KAZN: variants seen among roughly 807,000 people sequenced by gnomAD.
The protein encoded by KAZN is kazrin.
A neutral mutation model predicts 87.4 loss-of-function variants in KAZN; 40 were observed. That is an observed-to-expected ratio of 0.46 (90% CI 0.36 to 0.60). The LOEUF is 0.60. Ranked by LOEUF, KAZN falls within the 20% of genes least tolerant of loss-of-function variation. The pLI, the probability that KAZN is intolerant of heterozygous loss-of-function variation, is 0.00. For missense variants in KAZN, 898 were observed against 1,073.9 expected, an observed-to-expected ratio of 0.84 and a Z score of 2.29; for synonymous variants, 466 against 458.3, an observed-to-expected ratio of 1.02 and a Z score of -0.22.
At chr1:14,661,803 C>T (rs1208905036) in intron 1 of KAZN, among the ~76,000 whole-genome samples, 5 of 152,130 alleles carry the variant, frequency 3.3e-5, no homozygotes, top group Non-Finnish European at 5.9e-5. Flanking sequence ...GTAATCCTAG[C>T]TGCTTGGGTG....
chr1:15,015,137 TTTATTTA>T (rs1452354431), intron 2 of KAZN, among the ~76,000 whole-genome samples: 7 of 99,852 alleles, frequency 7.0e-5, no homozygotes, highest in Non-Finnish European at 1.3e-4. Context: ...TTTCTTTTTA[TTTATTTA>T]TTTATTTATT....
chr1:13,943,674 G>A (rs760576273), intron 1 of KAZN, among the ~76,000 whole-genome samples: 2 of 151,858 alleles, frequency 1.3e-5, no homozygotes, highest in Non-Finnish European at 2.9e-5. Context: ...AATACAAAGA[G>A]TAGTTATTGG....
chr1:14,044,417 A>G (rs1327943256), intron 1 of KAZN, among the ~76,000 whole-genome samples: 2 of 152,184 alleles, frequency 1.3e-5, no homozygotes, highest in Non-Finnish European at 2.9e-5. Flanking sequence ...GTGACTTTGA[A>G]CAAGTTATTT....
At chr1:15,074,483 C>T (rs144066138) in intron 8 of KAZN, among the ~76,000 whole-genome samples, 4 of 152,290 alleles carry the variant, frequency 2.6e-5, no homozygotes, top group African/African-American at 9.6e-5. Flanking sequence ...TCCCTGCTCA[C>T]CCCTCCTCCC....
chr1:14,968,663 A>C (rs1234530655), intron 2 of KAZN, among the ~76,000 whole-genome samples: 1 of 152,208 alleles, frequency 6.6e-6, no homozygotes, highest in Non-Finnish European at 1.5e-5. Context: ...GCACTGACTG[A>C]GCATGGAGCA....
chr1:13,902,058 G>C (rs1255029725), intron 1 of KAZN, among the ~76,000 whole-genome samples: 2 of 152,200 alleles, frequency 1.3e-5, no homozygotes, highest in Admixed American at 1.3e-4. Context: ...TGATACACAC[G>C]GCCCCAGGCA....
At chr1:14,942,917 G>C (rs1300484015) in intron 1 of KAZN, among the ~76,000 whole-genome samples, 3 of 151,948 alleles carry the variant, frequency 2.0e-5, no homozygotes, top group African/African-American at 7.3e-5. Flanking sequence ...GGTCACCACT[G>C]GTGAAAATTC....
intron 2 of KAZN, among the ~76,000 whole-genome samples, chr1:14,211,527 C>G (rs1348412487): frequency 3.3e-5 from 5 of 152,030 alleles, no homozygotes; most frequent in African/African-American, 1.2e-4. Flanking sequence ...CCGGGCCTAT[C>G]TTTTTTTAAT....
At chr1:14,242,935 G>T (rs1169083532) in intron 2 of KAZN, among the ~76,000 whole-genome samples, 1 of 152,124 alleles carries the variant, frequency 6.6e-6, no homozygotes, top group Non-Finnish European at 1.5e-5. Context: ...GTAAGAACAG[G>T]TCATACAAGG....
In KAZN at chr1:14,236,952, G is replaced by A. The variant is rs2100562362; in HGVS notation, c.249+56360G>A. Among the ~76,000 whole-genome samples the A allele has an allele frequency of 2.0e-5, 3 of 152,152 alleles. No homozygotes were observed. The South Asian group carries it at 6.2e-4, about 32-fold the overall frequency. On this transcript the variant is annotated intron_variant, in intron 2 of 16. Transcript: ENST00000636203. ...AAATAAAGTATTAATAAAGAGAAGT[G>A]TTATTGAAATAACATTAAAGAAACA...
At chr1:14,144,581 A>G (rs985337108) in intron 1 of KAZN, among the ~76,000 whole-genome samples, 6 of 151,986 alleles carry the variant, frequency 3.9e-5, no homozygotes, top group Non-Finnish European at 5.9e-5. Flanking sequence ...GAGCTACCAC[A>G]CCCGGCCTTG....
At chr1:14,042,290 AC>A (rs972031733) in intron 1 of KAZN, among the ~76,000 whole-genome samples, 26 of 151,874 alleles carry the variant, frequency 1.7e-4, no homozygotes, top group African/African-American at 6.3e-4. Flanking sequence ...TGGAAAATAT[AC>A]CCCCATCTAC....
intron 2 of KAZN, among the ~76,000 whole-genome samples, chr1:15,017,677 A>C (rs1284423312): frequency 2.0e-5 from 3 of 152,068 alleles, no homozygotes; most frequent in Non-Finnish European, 4.4e-5. Context: ...GGTGGTGGGC[A>C]CCTGTAATCC....
chr1:14,415,014 A>AT (rs1664631605), intron 2 of KAZN, among the ~76,000 whole-genome samples: 1 of 152,150 alleles, frequency 6.6e-6, no homozygotes, highest in South Asian at 2.1e-4. Context: ...CGATACAGTG[A>AT]GACTGCATCT....
chr1:14,446,635 G>A (rs1310714161), intron 2 of KAZN, among the ~76,000 whole-genome samples: 4 of 152,134 alleles, frequency 2.6e-5, no homozygotes, highest in Admixed American at 2.0e-4. Context: ...CCCATCCAAC[G>A]TATTCAAAAT....
chr1:14,836,604 C>G (rs1409797987), intron 1 of KAZN, among the ~76,000 whole-genome samples: 1 of 152,128 alleles, frequency 6.6e-6, no homozygotes, highest in Non-Finnish European at 1.5e-5. Context: ...CTCTTCCTCT[C>G]TTGAGCATCC....
intron 1 of KAZN, among the ~76,000 whole-genome samples, chr1:14,631,870 A>C (rs1275722478): frequency 6.6e-6 from 1 of 152,378 alleles, no homozygotes; most frequent in East Asian, 1.9e-4. Context: ...AAGAAAAAGC[A>C]GTGAGAGACA....
At chr1:14,105,457 C>T (rs1644348092) in intron 1 of KAZN, among the ~76,000 whole-genome samples, 1 of 152,176 alleles carries the variant, frequency 6.6e-6, no homozygotes, top group Non-Finnish European at 1.5e-5. Context: ...CTGCTCAGCT[C>T]CTGACCCAGA....
At chr1:14,741,429 T>C (rs2100432499) in intron 1 of KAZN, among the ~76,000 whole-genome samples, 1 of 152,264 alleles carries the variant, frequency 6.6e-6, no homozygotes, top group East Asian at 1.9e-4. Flanking sequence ...TTTTCTTGGG[T>C]TTGTTGGCTT....
Sources: allele counts gnomAD v4.1 joint callset (sites outside exome capture counted in the v4.1 genomes callset), GRCh38; gene constraint gnomAD v4.1.1; transcripts MANE v1.5; gene names NCBI Gene and HGNC (gene_info 2026-07-23, HGNC 2026-07-21).